Variants in MTREX observed in about 807,000 individuals in gnomAD.
The protein encoded by MTREX is Mtr4 exosome RNA helicase.
In MTREX, 76 loss-of-function variants were observed where a neutral mutation model predicts 135.4. The ratio of observed to expected loss-of-function variants is 0.56; its 90% CI spans 0.47 to 0.68. The LOEUF is 0.68. Ranked by LOEUF, MTREX falls within the 30% of genes least tolerant of loss-of-function variation. MTREX has a pLI of 0.00. For missense variants in MTREX, 920 were observed against 1,262.1 expected (o/e 0.73, Z 4.11); for synonymous variants, 404 against 401.6 (o/e 1.01, Z -0.07).
chr5:55,349,259 T>C (rs1749786855), intron 11 of MTREX, among the ~76,000 whole-genome samples: 1 of 150,326 alleles, frequency 6.7e-6, no homozygotes, highest in Non-Finnish European at 1.5e-5. Context: ...CGATCATGGC[T>C]CACTGCAGCC....
chr5:55,337,700 A>G (rs1423893162), intron 5 of MTREX, among the ~76,000 whole-genome samples: 1 of 148,128 alleles, frequency 6.8e-6, no homozygotes, highest in Non-Finnish European at 1.5e-5. Flanking sequence ...ACTTCGTGAA[A>G]TTTCAGTAGT....
intron 14 of MTREX, among the ~76,000 whole-genome samples, chr5:55,355,064 A>G (rs1749888366): frequency 6.6e-6 from 1 of 152,152 alleles, no homozygotes; most frequent in Non-Finnish European, 1.5e-5. Context: ...CAATATGATT[A>G]AGTTTCAGGG....
At chr5:55,334,787 A>G (rs924916941) in intron 5 of MTREX, among the ~76,000 whole-genome samples, 13 of 152,036 alleles carry the variant, frequency 8.6e-5, no homozygotes, top group African/African-American at 3.1e-4. Context: ...TGGCCATTAT[A>G]ATACTGATGT....
Position 55,422,980 on chromosome 5 carries a change from A to G in MTREX, c.3074A>G (p.Glu1025Gly), listed in dbSNP as rs1221583286. 8 of 1,611,972 alleles carry G rather than the reference A, an allele frequency of 5.0e-6. No individual in the cohort carries two copies. Among genetic ancestry groups the G allele is most frequent in the Non-Finnish European group, 6.8e-6 (8 of 1,178,360 alleles). ...GNTELENKFA[E>G]GITKIKRDIV... ...ACTGAGCTGGAAAATAAATTTGCAGAAGGTCAGTATCAAATGGATAAGCTG... is the reference window on the plus strand; with the variant it reads ...ACTGAGCTGGAAAATAAATTTGCAGGAGGTCAGTATCAAATGGATAAGCTG... The change falls in exon 26 of 27, where the codon GAA becomes GGA. Residue 1025 changes from glutamate (E) to glycine (G), a missense_variant and splice_region_variant. Glu to Gly is a moderately conservative substitution (Grantham distance 98). Around this residue, in one of 6 missense-constraint regions of MTREX, gnomAD observed 467 missense variants for 589.7 expected, o/e 0.79. Coordinates refer to ENST00000230640, the MANE Select transcript of MTREX (RefSeq NM_015360.5).
intron 26 of MTREX, 181 bp from the exon 27 acceptor site, chr5:55,424,539 T>C (rs747810984): frequency 1.6e-4 from 89 of 561,068 alleles, no homozygotes; most frequent in Non-Finnish European, 2.4e-4. Context: ...CTGGCTTGTA[T>C]GTTTTCCACC....
chr5:55,355,179 T>A (rs1407115963), intron 14 of MTREX, among the ~76,000 whole-genome samples: 1 of 152,172 alleles, frequency 6.6e-6, no homozygotes. Flanking sequence ...ACAGTGGGTG[T>A]GCATGATGGG....
At chr5:55,371,733 G>A (rs144398461) in intron 16 of MTREX, among the ~76,000 whole-genome samples, 1 of 152,070 alleles carries the variant, frequency 6.6e-6, no homozygotes, top group African/African-American at 2.4e-5. Flanking sequence ...TATCAATTTT[G>A]AAAGACATAA....
intron 16 of MTREX, among the ~76,000 whole-genome samples, chr5:55,369,300 A>G (rs1750156696): frequency 6.6e-6 from 1 of 152,206 alleles, no homozygotes; most frequent in Non-Finnish European, 1.5e-5. Context: ...TTAATACTTA[A>G]AAAAGGAAAT....
intron 2 of MTREX, among the ~76,000 whole-genome samples, chr5:55,322,673 A>G (rs893204451): frequency 3.9e-5 from 6 of 152,252 alleles, no homozygotes; most frequent in Non-Finnish European, 8.8e-5. Context: ...TCATCTTTTA[A>G]TACTTTAGAA....
chr5:55,322,525 TA>T, intron 2 of MTREX, 61 bp downstream of exon 2: 1 of 1,331,174 alleles, frequency 7.5e-7, no homozygotes, highest in Non-Finnish European at 1.0e-6. Context: ...CATGAGGTTT[TA>T]AAAATTGTCT....
chr5:55,421,976 A>C (rs1423611016), intron 25 of MTREX, among the ~76,000 whole-genome samples: 1 of 152,198 alleles, frequency 6.6e-6, no homozygotes, highest in Non-Finnish European at 1.5e-5. Context: ...GCAAGGCAGT[A>C]TTGGAGCCTG....
intron 14 of MTREX, 115 bp downstream of exon 14, chr5:55,353,384 G>T: frequency 1.7e-6 from 1 of 596,936 alleles, no homozygotes; most frequent in Non-Finnish European, 2.8e-6. Flanking sequence ...TTGAACCTGA[G>T]CTAATACAGT....
At chr5:55,343,195 G>T (rs1459233560) in intron 7 of MTREX, 136 bp from the exon 8 acceptor site, 12 of 747,072 alleles carry the variant, frequency 1.6e-5, no homozygotes, top group African/African-American at 1.8e-5. Context: ...TTTCAGTAAG[G>T]TTCTGTGGCT....
At chr5:55,362,048 C>CT (rs1165094876) in intron 15 of MTREX, among the ~76,000 whole-genome samples, 3 of 150,704 alleles carry the variant, frequency 2.0e-5, no homozygotes, top group Admixed American at 1.3e-4. Context: ...TCCCAAGTAG[C>CT]TGGGACTACA....
chr5:55,353,109 TA>T, intron 13 of MTREX, 58 bp from the exon 14 acceptor site: 1 of 1,217,932 alleles, frequency 8.2e-7, no homozygotes, highest in Non-Finnish European at 1.1e-6. Flanking sequence ...TTAAAAATTA[TA>T]AAACCAGATT....
rs568244194 is a variant in MTREX, at chr5:55,332,710, A to G, written c.515+3899A>G. Among the ~76,000 whole-genome samples, 12 of 152,302 alleles carry G rather than the reference A, an allele frequency of 7.9e-5. No homozygotes were observed. In the East Asian group the frequency reaches 2.3e-3, roughly 29 times the overall value. ...CCTCCCAAGATAATGTAATTAGTAT[A>G]TTCATGAAGATGGAGCTTTCATGAC... On this transcript the variant is annotated intron_variant, in intron 5 of 26. Transcript: ENST00000230640.
At chr5:55,335,822 G>T (rs531449445) in intron 5 of MTREX, among the ~76,000 whole-genome samples, 35 of 152,150 alleles carry the variant, frequency 2.3e-4, no homozygotes, top group African/African-American at 8.4e-4. Context: ...TAGGGATTTT[G>T]TTGAACTTAA....
intron 20 of MTREX, among the ~76,000 whole-genome samples, chr5:55,399,389 C>T (rs1278837618): frequency 6.6e-6 from 1 of 152,208 alleles, no homozygotes; most frequent in Non-Finnish European, 1.5e-5. Flanking sequence ...AGGATACCAG[C>T]CTACAGTGAG....
intron 1 of MTREX, among the ~76,000 whole-genome samples, chr5:55,310,831 T>G (rs1749100316): frequency 6.6e-6 from 1 of 152,210 alleles, no homozygotes; most frequent in South Asian, 2.1e-4. Flanking sequence ...CAGGCTGGAG[T>G]GCACTGGTGC....
Sources: allele counts gnomAD v4.1 joint callset (sites outside exome capture counted in the v4.1 genomes callset), GRCh38; gene constraint gnomAD v4.1.1; regional missense constraint gnomAD v4.1.1; transcripts MANE v1.5; gene names NCBI Gene and HGNC (gene_info 2026-07-23, HGNC 2026-07-21).